ADORA1: variants seen among roughly 807,000 people sequenced by gnomAD.
The protein encoded by ADORA1 is adenosine receptor A1.
In ADORA1, 6 loss-of-function variants were observed where a neutral mutation model predicts 19.9. The observed-to-expected ratio is 0.30, with a 90% CI of 0.17 to 0.59. The LOEUF is 0.59. Among genes scored for constraint, ADORA1 ranks in the 20% least tolerant of loss-of-function variants. The probability of loss-of-function intolerance (pLI) is 0.87; values close to 1 mark genes in which losing one functional copy is unlikely to be tolerated. For synonymous variants in ADORA1, 194 were observed against 188.4 expected (o/e 1.03, Z -0.24); for missense variants, 302 against 439.2 (o/e 0.69, Z 2.79).
At chr1:203,152,274 A>G (rs999309216) in intron 3 of ADORA1, among the ~76,000 whole-genome samples, 1 of 152,166 alleles carries the variant, frequency 6.6e-6, no homozygotes, top group Non-Finnish European at 1.5e-5. Flanking sequence ...GGGGTCCAGC[A>G]TGGGCCCCCT....
rs201486417 is a variant in ADORA1 at position 203,165,906 on chromosome 1, G to A, written c.*6G>A. 59 of 1,543,110 alleles carry A rather than the reference G, an allele frequency of 3.8e-5. No individual in the cohort carries two copies. The highest frequency in any genetic ancestry group is 2.5e-4 in the East Asian group (11 of 44,234). On this transcript the variant is annotated 3_prime_UTR_variant, in exon 4 of 4. Transcript: ENST00000337894. This position sits in a 1 kb window ranked among gnomAD's most constrained non-coding sequence, Gnocchi z 5.9. The stretch of plus-strand genomic sequence containing the variant: ...AAGAGAGGCCTGATGACTAGACCCC[G>A]CCTTCCGCTCCCACCAGCCCACATC...
chr1:203,147,097 C>G (rs1046350043), intron 3 of ADORA1, among the ~76,000 whole-genome samples: 1 of 152,242 alleles, frequency 6.6e-6, no homozygotes, highest in Non-Finnish European at 1.5e-5. Flanking sequence ...TAGCCGTAGG[C>G]AGGCACTGAA....
intron 3 of ADORA1, among the ~76,000 whole-genome samples, chr1:203,142,646 C>T (rs1045524101): frequency 6.6e-6 from 1 of 152,178 alleles, no homozygotes; most frequent in Admixed American, 6.5e-5. Context: ...TCCTGGTCTC[C>T]TGACTCTCAC....
chr1:203,141,023 G>T (rs547712084), intron 3 of ADORA1, among the ~76,000 whole-genome samples: 1 of 152,238 alleles, frequency 6.6e-6, no homozygotes, highest in Non-Finnish European at 1.5e-5. Context: ...GCAACAATCA[G>T]GGTCCTCTCA....
intron 3 of ADORA1, among the ~76,000 whole-genome samples, chr1:203,153,238 G>A (rs1329951844): frequency 1.3e-5 from 2 of 152,222 alleles, no homozygotes; most frequent in Non-Finnish European, 2.9e-5. Flanking sequence ...TCACACTGGG[G>A]ATCCCTTTGC....
At chr1:203,163,914 A>G (rs3766553) in intron 3 of ADORA1, among the ~76,000 whole-genome samples, 76,064 of 152,038 alleles carry the variant, frequency 0.5, 19,581 homozygotes, top group African/African-American at 0.61. Flanking sequence ...CTCAGGAGCT[A>G]TTTACATGCT....
At chr1:203,163,543 T>C (rs1655437684) in intron 3 of ADORA1, among the ~76,000 whole-genome samples, 1 of 152,194 alleles carries the variant, frequency 6.6e-6, no homozygotes, top group African/African-American at 2.4e-5. Flanking sequence ...AAGAATCCTA[T>C]GATCACAGAG....
intron 1 of ADORA1, 59 bp downstream of exon 1, chr1:203,127,987 G>A (rs915764818): frequency 2.0e-5 from 4 of 195,640 alleles, no homozygotes. Context: ...GGAGAGGGTT[G>A]AAAGAAGAGA....
At position 203,128,211 on chromosome 1, in the gene ADORA1, C is replaced by T. The variant is rs1399985546; in HGVS notation, c.-212-67C>T. 7.9e-6 allele frequency: 6 copies of T among 759,870 alleles called. No homozygotes were observed. Among genetic ancestry groups the T allele is most frequent in the African/African-American group, 3.7e-5 (2 of 54,008 alleles). 47.1% of individuals were successfully genotyped at this position (759,870 alleles called of 1,614,324 possible). ...TGCCACCCCAGTCCCAGGTGCGAAA[C>T]AGGGGCGCTACCTCTTTAAAAGCGT... is the stretch of plus-strand genomic sequence containing the variant. On this transcript the variant is annotated intron_variant, in intron 1 of 3. Transcript: ENST00000337894. This position sits in a 1 kb window ranked among gnomAD's most constrained non-coding sequence, Gnocchi z 5.9.
chr1:203,134,032 C>G (rs1654426822), intron 3 of ADORA1, among the ~76,000 whole-genome samples: 1 of 151,996 alleles, frequency 6.6e-6, no homozygotes, highest in South Asian at 2.1e-4. Context: ...AGGCCGTCTT[C>G]AGATCCTGTA....
intron 3 of ADORA1, among the ~76,000 whole-genome samples, chr1:203,154,663 C>G (rs776218149): frequency 4.0e-4 from 61 of 152,302 alleles, no homozygotes; most frequent in Non-Finnish European, 5.1e-4. Context: ...CTCCCCACCA[C>G]CGCCCCATCC....
chr1:203,135,271 A>G (rs1392595406), intron 3 of ADORA1, among the ~76,000 whole-genome samples: 3 of 152,230 alleles, frequency 2.0e-5, no homozygotes, highest in African/African-American at 4.8e-5. Flanking sequence ...GCATTCTTAT[A>G]TCACTGGCTA....
In ADORA1 at chr1:203,165,175, G is replaced by T; in HGVS notation, c.342-86G>T. 1 of 1,595,822 alleles carries T rather than the reference G, an allele frequency of 6.3e-7. No homozygotes were observed. Among genetic ancestry groups the T allele is most frequent in the Non-Finnish European group, 8.5e-7 (1 of 1,172,016 alleles). The stretch of plus-strand genomic sequence containing the variant: ...GGAAGAGGAGGGTGCTCCTCTTAGA[G>T]GCCCCTGGAGGCCAGGCGTGCCTCA... On this transcript the variant is annotated intron_variant, in intron 3 of 3. Transcript: ENST00000337894. This position sits in a 1 kb window ranked among gnomAD's most constrained non-coding sequence, Gnocchi z 5.9.
At chr1:203,151,796 T>G (rs922426368) in intron 3 of ADORA1, among the ~76,000 whole-genome samples, 48 of 151,286 alleles carry the variant, frequency 3.2e-4, no homozygotes, top group African/African-American at 1.1e-3. Flanking sequence ...ATGCATTCAT[T>G]CATTCATTCA....
chr1:203,138,275 T>C (rs142395751), intron 3 of ADORA1, among the ~76,000 whole-genome samples: 12 of 152,214 alleles, frequency 7.9e-5, no homozygotes, highest in Non-Finnish European at 1.3e-4. Context: ...CTCAGTGGAA[T>C]GTTGAGCAGG....
In ADORA1 at chr1:203,165,623, C is replaced by T. The variant is rs201083386; in HGVS notation, c.704C>T (p.Ser235Leu). 14 of 1,612,590 alleles carry T rather than the reference C, an allele frequency of 8.7e-6. No homozygotes were observed. Among genetic ancestry groups the T allele is most frequent in the African/African-American group, 6.7e-5 (5 of 74,906 alleles). ...YYGKELKIAK[S>L]LALILFLFAL... ...GGGAAGGAGCTGAAGATCGCCAAGT[C>T]GCTGGCCCTCATCCTCTTCCTCTTT... Residue 235 changes from serine (S) to leucine (L), a missense_variant, in exon 4 of 4, where the codon TCG (serine) becomes TTG (leucine). Physicochemically the swap from Ser to Leu is moderately radical, Grantham distance 145. Transcript: ENST00000337894. The surrounding 1 kb of genome is among the most constrained non-coding windows in gnomAD (Gnocchi z 5.9).
In ADORA1 at chr1:203,128,941, G is replaced by A. The variant is rs1393783833; in HGVS notation, c.100G>A (p.Val34Met). The A allele has an allele frequency of 1.2e-6, 2 of 1,614,078 alleles. No individual in the cohort carries two copies. The highest frequency in any genetic ancestry group is 8.5e-7 in the Non-Finnish European group (1 of 1,180,044). The change falls in exon 3 of 4, where the codon GTG becomes ATG. Residue 34 changes from valine to methionine, a missense_variant. Physicochemically the swap from Val to Met is conservative, Grantham distance 21. Transcript: ENST00000337894. This position sits in a 1 kb window ranked among gnomAD's most constrained non-coding sequence, Gnocchi z 5.9. ...VPGNVLVIWA[V>M]KVNQALRDAT... ...CGGGAACGTGCTGGTGATCTGGGCGGTGAAGGTGAACCAGGCGCTGCGGGA... is the reference window on the plus strand; with the variant it reads ...CGGGAACGTGCTGGTGATCTGGGCGATGAAGGTGAACCAGGCGCTGCGGGA...
At chr1:203,145,245 G>T (rs559572621) in intron 3 of ADORA1, among the ~76,000 whole-genome samples, 33 of 152,332 alleles carry the variant, frequency 2.2e-4, no homozygotes, top group African/African-American at 7.7e-4. Flanking sequence ...CTGGCCAGGG[G>T]ACGAGAAAAG....
At chr1:203,152,078 C>T (rs1318692919) in intron 3 of ADORA1, among the ~76,000 whole-genome samples, 2 of 152,172 alleles carry the variant, frequency 1.3e-5, no homozygotes, top group African/African-American at 2.4e-5. Flanking sequence ...AGAAGGGAAC[C>T]GTGACCTGCT....
Sources: gnomAD v4.1 joint callset for allele counts (sites outside exome capture counted in the v4.1 genomes callset) on GRCh38, gnomAD v4.1.1 for gene constraint, Gnocchi (gnomAD v3.1) non-coding constraint, MANE v1.5 for transcripts, NCBI Gene and HGNC (gene_info 2026-07-23, HGNC 2026-07-21) for gene names.